The following ZNF563 variants were observed in gnomAD, a reference collection of about 807,000 sequenced individuals.
ZNF563 encodes the protein zinc finger protein 563.
A neutral mutation model predicts 48.5 loss-of-function variants in ZNF563; 39 were observed. The ratio of observed to expected loss-of-function variants is 0.80; its 90% confidence interval spans 0.62 to 1.05. The LOEUF is 1.05. ZNF563 is among the 50% of genes least tolerant of loss of function. ZNF563 has a pLI of 0.00. For synonymous variants in ZNF563, 168 were observed against 187.9 expected (o/e 0.89, Z 0.87); for missense variants, 538 against 597.0 (o/e 0.90, Z 1.03).
chr19:12,321,339 G>A lies in ZNF563; in HGVS notation c.131-7C>T, dbSNP rs1968618259. ...TGTTCTTCCCATATCATTCCTAAAAGGGAGACCCAGAAAATCACTATACAT... is the reference window on the plus strand; with the variant it reads ...TGTTCTTCCCATATCATTCCTAAAAAGGAGACCCAGAAAATCACTATACAT... On this transcript the variant is annotated splice_region_variant and splice_polypyrimidine_tract_variant and intron_variant, in intron 2 of 3. Transcript: ENST00000293725. 3 of 1,534,774 alleles carry A rather than the reference G, an allele frequency of 2.0e-6. No individual in the cohort carries two copies. In the Admixed American group the frequency reaches 6.7e-5, roughly 34 times the overall value.
rs760288537 is a variant in ZNF563 at position 12,318,571 on chromosome 19, G to A, written c.*23C>T. 6.3e-6 allele frequency: 10 copies of A among 1,590,606 alleles called. No individual in the cohort carries two copies. Among genetic ancestry groups the A allele is most frequent in the South Asian group, 2.3e-5 (2 of 87,458 alleles). On this transcript the variant is annotated 3_prime_UTR_variant, in exon 4 of 4. Coordinates refer to ENST00000293725, the MANE Select transcript of ZNF563 (RefSeq NM_145276.3). The stretch of plus-strand genomic sequence containing the variant: ...GATATCAAAGGGAACTGGAAATATA[G>A]AAGGCTTTATAATAGTTTACATTCA...
chr19:12,321,090 A>G (rs1447568169), intron 3 of ZNF563, among the ~76,000 whole-genome samples, 182 bp downstream of exon 3: 1 of 152,028 alleles, frequency 6.6e-6, no homozygotes, highest in Non-Finnish European at 1.5e-5. Flanking sequence ...CAGTGAGCCA[A>G]GATCATGCCA....
chr19:12,320,052 G>A (rs868754088), intron 3 of ZNF563, among the ~76,000 whole-genome samples: 2 of 152,064 alleles, frequency 1.3e-5, no homozygotes, highest in South Asian at 4.1e-4. Context: ...AAGTAGCCGG[G>A]ATTAGAGAGG....
rs1968491319 is a variant in ZNF563 at position 12,318,532 on chromosome 19, G to T, written c.*62C>A. On this transcript the variant is annotated 3_prime_UTR_variant, in exon 4 of 4. Coordinates refer to ENST00000293725, the MANE Select transcript of ZNF563 (RefSeq NM_145276.3). ...TACATTTATAGGGTTTCTGTCCAGT[G>T]TAAGTTTATTCATGATATCAAAGGG... The T allele has an allele frequency of 6.6e-7, 1 of 1,523,366 alleles. No individual in the cohort carries two copies. 94.4% of individuals were successfully genotyped at this position (1,523,366 alleles called of 1,614,324 possible). A position where few individuals can be genotyped will look rare whatever the true frequency, so the allele number is the denominator to read the frequency against.
chr19:12,321,717 T>C (rs187304946), intron 2 of ZNF563, among the ~76,000 whole-genome samples: 7 of 152,266 alleles, frequency 4.6e-5, no homozygotes, highest in Admixed American at 4.6e-4. Flanking sequence ...AATGCTGGGA[T>C]TACAGGCATG....
chr19:12,319,437 AG>A lies in ZNF563; in HGVS notation c.587del (p.Pro196LeufsTer74). 1 of 1,614,224 alleles carries A rather than the reference AG, an allele frequency of 6.2e-7. No homozygotes were observed. Among genetic ancestry groups the A allele is most frequent in the Non-Finnish European group, 8.5e-7 (1 of 1,180,048 alleles). On this transcript the variant is annotated frameshift_variant, in exon 4 of 4. Coordinates refer to ENST00000293725, the MANE Select transcript of ZNF563 (RefSeq NM_145276.3). LOFTEE classifies it high-confidence loss of function. ...CTTTCCCACACAACTTACATTTATAAGGTCTATTTCCACCTTGCACTACCAT... is the reference window on the plus strand; with the variant it reads ...CTTTCCCACACAACTTACATTTATAAGTCTATTTCCACCTTGCACTACCAT... ...RHMVVQGGNR[P>X]YKCKLCGKAF...
the ZNF563 span, among the ~76,000 whole-genome samples, chr19:12,344,257 G>A: frequency 6.6e-6 from 1 of 151,570 alleles, no homozygotes; most frequent in Non-Finnish European, 1.5e-5. Flanking sequence ...GTTGGGTGTG[G>A]TGGCATGTGC....
chr19:12,317,984 T>C lies in ZNF563; in HGVS notation c.*610A>G. The C allele has an allele frequency of 6.0e-6, 1 of 167,104 alleles. No homozygotes were observed. The allele number at this position is 167,104 out of a possible 1,614,324, so 10.4% of individuals were successfully genotyped here. A position where few individuals can be genotyped will look rare whatever the true frequency, so the allele number is the denominator to read the frequency against. On this transcript the variant is annotated 3_prime_UTR_variant, in exon 4 of 4. Coordinates refer to ENST00000293725, the MANE Select transcript of ZNF563 (RefSeq NM_145276.3). ...ACATTTCTTACATTCATATGACTTCTCTCCAGAGTGAATCCTTTCATGTAC... is the reference window on the plus strand; with the variant it reads ...ACATTTCTTACATTCATATGACTTCCCTCCAGAGTGAATCCTTTCATGTAC...
chr19:12,332,050 GA>G (rs1248022144), intron 1 of ZNF563, among the ~76,000 whole-genome samples: 1 of 152,020 alleles, frequency 6.6e-6, no homozygotes, highest in Non-Finnish European at 1.5e-5. Context: ...GCTACCTGGG[GA>G]AAAAAATGAC....
the ZNF563 span, chr19:12,346,841 T>C: frequency 1.3e-5 from 2 of 152,188 alleles, no homozygotes; most frequent in Non-Finnish European, 2.9e-5. Flanking sequence ...AAGCCAGACA[T>C]GGAAGGACAC....
chr19:12,324,794 G>T (rs2145809299), intron 1 of ZNF563: 1 of 147,688 alleles, frequency 6.8e-6, no homozygotes, highest in South Asian at 2.2e-4. Flanking sequence ...AAAGGATTTT[G>T]AAACTATAAT....
chr19:12,318,587 T>C lies in ZNF563; in HGVS notation c.*7A>G, dbSNP rs1968493859. ...GGAAATATAGAAGGCTTTATAATAGTTTACATTCATATTGTTTCTCTCCAG... is the reference window on the plus strand; with the variant it reads ...GGAAATATAGAAGGCTTTATAATAGCTTACATTCATATTGTTTCTCTCCAG... On this transcript the variant is annotated 3_prime_UTR_variant, in exon 4 of 4. Coordinates refer to ENST00000293725, the MANE Select transcript of ZNF563 (RefSeq NM_145276.3). The C allele has an allele frequency of 6.2e-7, 1 of 1,608,342 alleles. No homozygotes were observed.
chr19:12,332,441 C>T (rs1325191711), intron 1 of ZNF563, among the ~76,000 whole-genome samples: 4 of 150,696 alleles, frequency 2.7e-5, no homozygotes, highest in Admixed American at 2.0e-4. Context: ...ACCTCCGCCT[C>T]ATGGGTTCAA....
intron 1 of ZNF563, 139 bp downstream of exon 1, chr19:12,333,341 G>T (rs1390627879): frequency 1.7e-6 from 2 of 1,193,606 alleles, no homozygotes; most frequent in African/African-American, 3.1e-5. Flanking sequence ...AGGGGACCGA[G>T]GGTCGAGCTG....
rs753145389 is a variant in ZNF563, at chr19:12,333,517, C to G, written c.-35G>C. On this transcript the variant is annotated 5_prime_UTR_variant, in exon 1 of 4. Coordinates refer to ENST00000293725, the MANE Select transcript of ZNF563 (RefSeq NM_145276.3). ...TCCGGGATGTTCCAGGGTCCTCCCT[C>G]TGCCTCCCGCTGCCAGTGCGGGTCC... 1 of 1,612,956 alleles carries G rather than the reference C, an allele frequency of 6.2e-7. No homozygotes were observed. The highest frequency in any genetic ancestry group is 8.5e-7 in the Non-Finnish European group (1 of 1,179,420).
chr19:12,322,493 G>T, intron 2 of ZNF563, 92 bp downstream of exon 2: 1 of 1,354,190 alleles, frequency 7.4e-7, no homozygotes. Context: ...TCCATCATAT[G>T]CCCTTTCCAT....
At chr19:12,343,456 A>G in the ZNF563 span, among the ~76,000 whole-genome samples, 1 of 152,174 alleles carries the variant, frequency 6.6e-6, no homozygotes, top group Non-Finnish European at 1.5e-5. Flanking sequence ...TAAGCAACAT[A>G]GCAGGACCCT....
the ZNF563 span, among the ~76,000 whole-genome samples, chr19:12,344,338 G>T: frequency 6.7e-6 from 1 of 150,180 alleles, no homozygotes; most frequent in African/African-American, 2.5e-5. Context: ...AGTCCAGCCT[G>T]GGCAACAGAG....
Position 12,318,608 on chromosome 19 carries a change from T to C in ZNF563, c.1417A>G (p.Arg473Gly), listed in dbSNP as rs1435306154. The change falls in exon 4 of 4, where the codon AGA (arginine) becomes GGA (glycine). Residue 473 changes from arginine to glycine, a missense_variant. By Grantham distance (125) the Arg-to-Gly change is moderately radical (BLOSUM62 -2). Coordinates refer to ENST00000293725, the MANE Select transcript of ZNF563 (RefSeq NM_145276.3). Reference sequence around the variant, plus strand: ...ATAGTTTACATTCATATTGTTTCTCTCCAGTGAGTCTTTTCATGTCTTTGA... The same window carrying C: ...ATAGTTTACATTCATATTGTTTCTCCCCAGTGAGTCTTTTCATGTCTTTGA... ...VCQRHEKTHW[R>G]ETI 6.2e-7 allele frequency: 1 copy of C among 1,612,886 alleles called. No individual in the cohort carries two copies. Among genetic ancestry groups the C allele is most frequent in the African/African-American group, 1.3e-5 (1 of 74,878 alleles).
Sources: allele counts gnomAD v4.1 joint callset (sites outside exome capture counted in the v4.1 genomes callset), GRCh38; gene constraint gnomAD v4.1.1; transcripts MANE v1.5; gene names NCBI Gene and HGNC (gene_info 2026-07-23, HGNC 2026-07-21).